Variants in SEC24A observed in about 807,000 individuals in gnomAD.
The protein encoded by SEC24A is protein transport protein Sec24A.
In SEC24A, 93 loss-of-function variants were observed where a neutral mutation model predicts 129.4. That is an observed-to-expected ratio of 0.72 (90% CI 0.61 to 0.85). The LOEUF (loss-of-function observed/expected upper bound fraction) is 0.85, where lower values mean the gene tolerates loss of function less well. Among genes scored for constraint, SEC24A ranks in the 40% least tolerant of loss-of-function variants. The pLI is 0.00. For missense variants in SEC24A, 1,264 were observed against 1,307.4 expected (o/e 0.97, Z 0.51); for synonymous variants, 460 against 467.3 (o/e 0.98, Z 0.20).
intron 2 of SEC24A, among the ~76,000 whole-genome samples, chr5:134,665,549 T>TTTTA (rs929822550): frequency 9.9e-5 from 15 of 151,936 alleles, no homozygotes; most frequent in East Asian, 1.9e-4. Flanking sequence ...CTATTTTTAT[T>TTTTA]TTTATTTATT....
Position 134,721,061 on chromosome 5 carries a change from C to G in SEC24A, c.3034C>G (p.Gln1012Glu), listed in dbSNP as rs775420151. The change falls in exon 21 of 23, where the codon CAA (glutamine) becomes GAA (glutamate). Residue 1012 changes from glutamine to glutamate, a missense_variant. Coordinates refer to ENST00000398844, the MANE Select transcript of SEC24A (RefSeq NM_021982.3). ...QNFLSQVLGV[Q>E]NYASIPQPMT... ...TTTTCTCAGCCAAGTTCTAGGAGTT[C>G]AAAACTATGCATCAATTCCACAGCC... is the stretch of plus-strand genomic sequence containing the variant. The G allele has an allele frequency of 1.9e-6, 3 of 1,610,924 alleles. No homozygotes were observed. The highest frequency in any genetic ancestry group is 2.2e-5 in the South Asian group (2 of 90,994).
chr5:134,720,719 A>G (rs989895050), intron 20 of SEC24A, among the ~76,000 whole-genome samples: 3 of 152,050 alleles, frequency 2.0e-5, no homozygotes, highest in African/African-American at 7.2e-5. Context: ...CCTGGCCAAT[A>G]TGGTGAAACC....
chr5:134,706,721 C>T (rs138425930), intron 17 of SEC24A, among the ~76,000 whole-genome samples: 165 of 152,148 alleles, frequency 1.1e-3, no homozygotes, highest in African/African-American at 3.8e-3. Flanking sequence ...GATGGAGTCT[C>T]ATTCACCCTC....
chr5:134,709,113 G>A (rs1288855240), intron 18 of SEC24A, among the ~76,000 whole-genome samples: 1 of 152,114 alleles, frequency 6.6e-6, no homozygotes, highest in African/African-American at 2.4e-5. Context: ...TTGGGATGCT[G>A]AGGTGGGAGG....
chr5:134,702,927 G>A (rs1752045356), intron 15 of SEC24A, among the ~76,000 whole-genome samples: 1 of 151,860 alleles, frequency 6.6e-6, no homozygotes, highest in Non-Finnish European at 1.5e-5. Context: ...ACCATGCCCG[G>A]CTAATTTTTG....
chr5:134,684,242 G>A (rs979527572), intron 9 of SEC24A, among the ~76,000 whole-genome samples: 3 of 150,734 alleles, frequency 2.0e-5, no homozygotes, highest in African/African-American at 7.4e-5. Flanking sequence ...GTCAGAGGTT[G>A]CAGTGAGCCA....
chr5:134,665,410 G>T (rs1750625336), intron 2 of SEC24A, among the ~76,000 whole-genome samples: 1 of 149,916 alleles, frequency 6.7e-6, no homozygotes, highest in Admixed American at 6.7e-5. Flanking sequence ...AGCCGAGATT[G>T]CGCCATTGCA....
intron 2 of SEC24A, among the ~76,000 whole-genome samples, chr5:134,665,572 T>G (rs1750632450): frequency 6.6e-6 from 1 of 152,094 alleles, no homozygotes; most frequent in Non-Finnish European, 1.5e-5. Context: ...TTTATTTATT[T>G]TGAGACAGAG....
intron 1 of SEC24A, among the ~76,000 whole-genome samples, chr5:134,657,492 G>A (rs1750288831): frequency 6.6e-6 from 1 of 151,944 alleles, no homozygotes; most frequent in Non-Finnish European, 1.5e-5. Context: ...TCCCATGAAT[G>A]CTGTTTCCTC....
intron 13 of SEC24A, among the ~76,000 whole-genome samples, chr5:134,696,768 G>C (rs1232440737): frequency 6.6e-6 from 1 of 151,542 alleles, no homozygotes; most frequent in Admixed American, 6.6e-5. Flanking sequence ...AAAGTGCTGG[G>C]ATTACAGGCG....
chr5:134,667,650 T>C (rs2150076904), intron 3 of SEC24A, among the ~76,000 whole-genome samples: 1 of 127,336 alleles, frequency 7.9e-6, no homozygotes, highest in East Asian at 2.3e-4. Context: ...CCAGACTCCG[T>C]CTCAAAAAAA....
At chr5:134,652,853 G>A (rs1475513740) in intron 1 of SEC24A, among the ~76,000 whole-genome samples, 1 of 152,112 alleles carries the variant, frequency 6.6e-6, no homozygotes, top group Non-Finnish European at 1.5e-5. Flanking sequence ...GGAGTGCAGT[G>A]GTGCGATCTT....
chr5:134,662,344 C>CG (rs1205602417), intron 2 of SEC24A, among the ~76,000 whole-genome samples: 1 of 151,786 alleles, frequency 6.6e-6, no homozygotes, highest in African/African-American at 2.4e-5. Context: ...TTAGTAGAGA[C>CG]GGGGTTTCAC....
At chr5:134,708,472 G>A (rs1440424494) in intron 17 of SEC24A, among the ~76,000 whole-genome samples, 1 of 152,194 alleles carries the variant, frequency 6.6e-6, no homozygotes, top group Admixed American at 6.6e-5. Context: ...TGAGGCTCAG[G>A]AAGGTTAAGT....
intron 17 of SEC24A, 72 bp downstream of exon 17, chr5:134,705,509 C>A: frequency 1.0e-6 from 1 of 974,862 alleles, no homozygotes; most frequent in Non-Finnish European, 1.6e-6. Context: ...TTTTGTTTTC[C>A]TTTAAATAGT....
intron 8 of SEC24A, among the ~76,000 whole-genome samples, chr5:134,680,769 C>G (rs545954508): frequency 6.6e-6 from 1 of 152,020 alleles, no homozygotes; most frequent in South Asian, 2.1e-4. Flanking sequence ...CTCAGCCTCC[C>G]GAGAACACAC....
chr5:134,651,662 C>G (rs1750055375), intron 1 of SEC24A, among the ~76,000 whole-genome samples: 1 of 151,848 alleles, frequency 6.6e-6, no homozygotes, highest in Admixed American at 6.6e-5. Flanking sequence ...ATGAGTCTCT[C>G]TATGTTGCCT....
intron 2 of SEC24A, among the ~76,000 whole-genome samples, chr5:134,664,404 G>A (rs1159323243): frequency 1.3e-5 from 2 of 151,924 alleles, no homozygotes; most frequent in East Asian, 3.9e-4. Flanking sequence ...GGCTGAGAGG[G>A]CAGACTCTGA....
At chr5:134,672,199 G>GTTTTT (rs1750889990) in intron 4 of SEC24A, among the ~76,000 whole-genome samples, 1 of 151,096 alleles carries the variant, frequency 6.6e-6, no homozygotes. Flanking sequence ...TTTTGTTTTT[G>GTTTTT]TTTTTTGAGA....
Sources: gnomAD v4.1 joint callset for allele counts (sites outside exome capture counted in the v4.1 genomes callset) on GRCh38, gnomAD v4.1.1 for gene constraint, MANE v1.5 for transcripts, NCBI Gene and HGNC (gene_info 2026-07-23, HGNC 2026-07-21) for gene names.